The following PCNX1 variants were observed in gnomAD, a reference collection of about 807,000 sequenced individuals.
PCNX1 encodes the protein pecanex-like protein 1.
A neutral mutation model predicts 242.2 loss-of-function variants in PCNX1; 78 were observed. That is an observed-to-expected ratio of 0.32 (90% CI 0.27 to 0.39). PCNX1 has a LOEUF of 0.39. PCNX1 is among the 10% of genes least tolerant of loss of function. The pLI, the probability that PCNX1 is intolerant of heterozygous loss-of-function variation, is 1.00. For missense variants in PCNX1, 2,581 were observed against 2,856.5 expected (o/e 0.90, Z 2.20); for synonymous variants, 1,024 against 1,032.9 (o/e 0.99, Z 0.17).
intron 8 of PCNX1, among the ~76,000 whole-genome samples, chr14:71,005,315 G>A (rs1343267527): frequency 6.6e-6 from 1 of 152,122 alleles, no homozygotes; most frequent in African/African-American, 2.4e-5. Flanking sequence ...ACCAGCCTGG[G>A]CAGCATAGCA....
chr14:71,098,553 T>TGTGTGAGAGAGAGAGA (rs60367565), intron 30 of PCNX1, among the ~76,000 whole-genome samples: 102 of 125,730 alleles, frequency 8.1e-4, no homozygotes, highest in African/African-American at 3.0e-3. Flanking sequence ...TGTGTGTGTG[T>TGTGTGAGAGAGAGAGA]GAGAGAGAGA....
At chr14:70,958,326 G>C (rs1447036207) in intron 2 of PCNX1, among the ~76,000 whole-genome samples, 1 of 152,152 alleles carries the variant, frequency 6.6e-6, no homozygotes, top group Non-Finnish European at 1.5e-5. Flanking sequence ...TTATAATTAT[G>C]AGATAATTGA....
intron 1 of PCNX1, among the ~76,000 whole-genome samples, chr14:70,936,804 A>T (rs954253052): frequency 6.6e-6 from 1 of 152,080 alleles, no homozygotes; most frequent in African/African-American, 2.4e-5. Flanking sequence ...TTGTTTCCTG[A>T]CTTTTTAATG....
At chr14:71,023,120 TC>T (rs1174615492) in intron 12 of PCNX1, 79 bp from the exon 13 acceptor site, 3 of 998,144 alleles carry the variant, frequency 3.0e-6, no homozygotes, top group African/African-American at 1.6e-5. Flanking sequence ...TTAAAATCAT[TC>T]ATTTCAGGCA....
intron 26 of PCNX1, 72 bp downstream of exon 26, chr14:71,057,796 C>A: frequency 9.8e-7 from 1 of 1,018,638 alleles, no homozygotes; most frequent in Non-Finnish European, 1.5e-6. Flanking sequence ...GTTTCTATCT[C>A]AAACCAGAAG....
chr14:70,963,746 T>C (rs2058292296), intron 3 of PCNX1, among the ~76,000 whole-genome samples: 1 of 152,238 alleles, frequency 6.6e-6, no homozygotes, highest in Non-Finnish European at 1.5e-5. Context: ...ACTTTCTTTT[T>C]TTAACCTTGG....
At chr14:70,952,626 G>A (rs2140376875) in intron 2 of PCNX1, among the ~76,000 whole-genome samples, 1 of 152,230 alleles carries the variant, frequency 6.6e-6, no homozygotes, top group South Asian at 2.1e-4. Context: ...CTCACGCATG[G>A]TGATGTTTGT....
chr14:70,969,274 A>T lies in PCNX1; in HGVS notation c.604+164A>T, dbSNP rs765732060. 6 of 557,228 alleles carry T rather than the reference A, an allele frequency of 1.1e-5. No individual in the cohort carries two copies. In the East Asian group the frequency reaches 1.8e-4, roughly 17 times the overall value. The allele number at this position is 557,228 out of a possible 1,614,324, so 34.5% of individuals were successfully genotyped here. ...GGTGATAGTAGTAATACAGAGTTACACATGCTTTTAGCTTACTTGAACTCA... is the reference window on the plus strand; with the variant it reads ...GGTGATAGTAGTAATACAGAGTTACTCATGCTTTTAGCTTACTTGAACTCA... On this transcript the variant is annotated intron_variant, in intron 5 of 35. Transcript: ENST00000304743.
intron 1 of PCNX1, among the ~76,000 whole-genome samples, chr14:70,933,551 C>T (rs2140178834): frequency 6.6e-6 from 1 of 152,232 alleles, no homozygotes; most frequent in East Asian, 1.9e-4. Flanking sequence ...ATATCTATGG[C>T]TTCTTTTATG....
At position 71,101,971 on chromosome 14, in the gene PCNX1, A is replaced by G; in HGVS notation, c.5590-19A>G. The G allele has an allele frequency of 7.4e-7, 1 of 1,349,120 alleles. No individual in the cohort carries two copies. The highest frequency in any genetic ancestry group is 1.4e-5 in the South Asian group (1 of 70,900). The allele number at this position is 1,349,120 out of a possible 1,614,324, so 83.6% of individuals were successfully genotyped here. A position where few individuals can be genotyped will look rare whatever the true frequency, so the allele number is the denominator to read the frequency against. On this transcript the variant is annotated intron_variant, in intron 30 of 35. Transcript: ENST00000304743. ...CTTTTATTTTCCTTTAAAAATTTATATATTATTTTTGTATTTAGGATCATT... is the reference window on the plus strand; with the variant it reads ...CTTTTATTTTCCTTTAAAAATTTATGTATTATTTTTGTATTTAGGATCATT...
chr14:71,103,200 TATTA>T (rs1566807059), intron 31 of PCNX1, among the ~76,000 whole-genome samples, 191 bp from the exon 32 acceptor site: 2 of 152,104 alleles, frequency 1.3e-5, no homozygotes, highest in Non-Finnish European at 2.9e-5. Flanking sequence ...TGTAGATACT[TATTA>T]TTTAGCAACC....
chr14:70,967,287 A>T (rs952539105), intron 3 of PCNX1, among the ~76,000 whole-genome samples: 1 of 152,350 alleles, frequency 6.6e-6, no homozygotes, highest in East Asian at 1.9e-4. Flanking sequence ...CAAACCAATG[A>T]AGAGGAAGAT....
chr14:71,030,019 C>A (rs1438011034), intron 16 of PCNX1, among the ~76,000 whole-genome samples: 2 of 152,152 alleles, frequency 1.3e-5, no homozygotes, highest in Non-Finnish European at 2.9e-5. Context: ...GTATTCATTT[C>A]TCTTGGGTAA....
chr14:71,084,721 C>G (rs890620949), intron 28 of PCNX1, among the ~76,000 whole-genome samples: 5 of 152,204 alleles, frequency 3.3e-5, no homozygotes, highest in Non-Finnish European at 7.4e-5. Context: ...CATCCCAGGT[C>G]AACTTCAGAC....
At chr14:71,095,597 C>T (rs1024871929) in intron 30 of PCNX1, among the ~76,000 whole-genome samples, 3 of 152,160 alleles carry the variant, frequency 2.0e-5, no homozygotes, top group African/African-American at 4.8e-5. Flanking sequence ...GTGATTTCTT[C>T]TAAGCACATA....
intron 1 of PCNX1, among the ~76,000 whole-genome samples, chr14:70,908,785 C>T (rs1019565763): frequency 6.6e-6 from 1 of 152,152 alleles, no homozygotes; most frequent in Admixed American, 6.5e-5. Context: ...AGGCCTTTGG[C>T]GGATAGGAGT....
At chr14:70,961,240 G>A (rs2058200476) in intron 2 of PCNX1, among the ~76,000 whole-genome samples, 1 of 152,056 alleles carries the variant, frequency 6.6e-6, no homozygotes, top group African/African-American at 2.4e-5. Context: ...AAAGCTGGAG[G>A]CGTCACGCTA....
chr14:70,948,097 A>G (rs1198483844), intron 2 of PCNX1, among the ~76,000 whole-genome samples: 3 of 152,218 alleles, frequency 2.0e-5, no homozygotes, highest in Non-Finnish European at 4.4e-5. Flanking sequence ...CAATCTGTGC[A>G]TAGCGGGACA....
At chr14:70,987,020 ATTTCTTCCCTC>A (rs1195518078) in intron 6 of PCNX1, among the ~76,000 whole-genome samples, 1 of 152,054 alleles carries the variant, frequency 6.6e-6, no homozygotes, top group African/African-American at 2.4e-5. Context: ...CTGATTTTTC[ATTTCTTCCCTC>A]AATTGGCTTG....
Sources: allele counts gnomAD v4.1 joint callset (sites outside exome capture counted in the v4.1 genomes callset), GRCh38; gene constraint gnomAD v4.1.1; transcripts MANE v1.5; gene names NCBI Gene and HGNC (gene_info 2026-07-23, HGNC 2026-07-21).